Variants in ANAPC7 observed in about 807,000 individuals in gnomAD.
ANAPC7 encodes anaphase promoting complex subunit 7, also known as anaphase-promoting complex subunit 7.
ANAPC7 carries 25 observed loss-of-function variants against 63.3 expected under a neutral mutation model. That is an observed-to-expected ratio of 0.39 (90% CI 0.29 to 0.55). The LOEUF (loss-of-function observed/expected upper bound fraction) is 0.55. Among genes scored for constraint, ANAPC7 ranks in the 20% least tolerant of loss-of-function variants. The probability of loss-of-function intolerance (pLI) is 0.57; values close to 1 mark genes in which losing one functional copy is unlikely to be tolerated. For missense variants in ANAPC7, 516 were observed against 691.7 expected (o/e 0.75, Z 2.85); for synonymous variants, 241 against 251.7 (o/e 0.96, Z 0.40).
chr12:110,374,386 G>T, intron 10 of ANAPC7, 53 bp from the exon 11 acceptor site: 1 of 1,563,684 alleles, frequency 6.4e-7, no homozygotes, highest in Non-Finnish European at 8.8e-7. Flanking sequence ...TGCTCTTGCT[G>T]GCTGATTCGT....
At chr12:110,377,808 T>A in intron 8 of ANAPC7, 191 bp from the exon 9 acceptor site, 2 of 1,430,506 alleles carry the variant, frequency 1.4e-6, no homozygotes, top group South Asian at 3.1e-5. Flanking sequence ...CCCAGAGAAC[T>A]TGATGGATGT....
At chr12:110,377,827 A>G in intron 8 of ANAPC7, 4 of 1,419,932 alleles carry the variant, frequency 2.8e-6, no homozygotes, top group Non-Finnish European at 3.7e-6. Flanking sequence ...GTAGAAAAAG[A>G]CTGCCTTCAA....
At chr12:110,396,245 C>T in intron 2 of ANAPC7, 21 bp downstream of exon 2, 1 of 1,420,982 alleles carries the variant, frequency 7.0e-7, no homozygotes, top group Non-Finnish European at 9.7e-7. Flanking sequence ...AAAAAAAAAT[C>T]ACAATTCTAT....
intron 3 of ANAPC7, 73 bp downstream of exon 3, chr12:110,395,028 G>C (rs1412862749): frequency 4.6e-6 from 7 of 1,530,980 alleles, no homozygotes; most frequent in South Asian, 1.2e-5. Flanking sequence ...ACTCCTTAAT[G>C]CATGAGAAAA....
At chr12:110,389,045 G>A (rs1352532938) in intron 3 of ANAPC7, among the ~76,000 whole-genome samples, 1 of 143,746 alleles carries the variant, frequency 7.0e-6, no homozygotes, top group Non-Finnish European at 1.5e-5. Context: ...TCACGCCACT[G>A]CACTCCAGCC....
chr12:110,390,789 T>C (rs1268757422), intron 3 of ANAPC7, among the ~76,000 whole-genome samples: 1 of 152,226 alleles, frequency 6.6e-6, no homozygotes, highest in Non-Finnish European at 1.5e-5. Context: ...GCTGGTTATA[T>C]TAACAAACTA....
In ANAPC7 at chr12:110,386,345, C is replaced by G. The variant is rs766327105; in HGVS notation, c.799G>C (p.Asp267His). Residue 267 changes from aspartate (D) to histidine (H), a missense_variant, in exon 6 of 11, where the codon GAT (aspartate) becomes CAT (histidine). Physicochemically the swap from Asp to His is moderately conservative, Grantham distance 81 (BLOSUM62 -1). Transcript: ENST00000455511. ...TACTTACCTTTTATCAGATAAGGAT[C>G]CAACATCTGTGCCTGTTCAAACTTG... ...VLKFEQAQML[D>H]PYLIKGMDVY... 2.5e-6 allele frequency: 4 copies of G among 1,614,048 alleles called. No homozygotes were observed. In the African/African-American group the frequency reaches 5.3e-5, roughly 22 times the overall value.
Position 110,376,131 on chromosome 12 carries a change from T to C in ANAPC7, c.1443A>G (p.Leu481=). The change falls in exon 10 of 11, where the codon CTA becomes CTG. Residue 481 remains leucine, a synonymous_variant. Coordinates refer to ENST00000455511, the MANE Select transcript of ANAPC7 (RefSeq NM_016238.3). The part of the protein sequence containing the change: ...NQSDCVLHRI[L]GDFLVAVNEY... ...CATTGACAGCTACAAGGAAATCTCC[T>C]AGGATCCGATGCAGGACACAGTCAC... 6.2e-7 allele frequency: 1 copy of C among 1,613,840 alleles called. No homozygotes were observed. Among genetic ancestry groups the C allele is most frequent in the Non-Finnish European group, 8.5e-7 (1 of 1,179,766 alleles).
At chr12:110,390,573 C>T (rs1393793022) in intron 3 of ANAPC7, among the ~76,000 whole-genome samples, 1 of 152,022 alleles carries the variant, frequency 6.6e-6, no homozygotes, top group East Asian at 1.9e-4. Flanking sequence ...TTATATAAAA[C>T]AATCTAATAT....
intron 3 of ANAPC7, 78 bp from the exon 4 acceptor site, chr12:110,388,701 T>G: frequency 9.4e-7 from 1 of 1,065,500 alleles, no homozygotes; most frequent in South Asian, 1.3e-5. Flanking sequence ...AAGTCCTAAT[T>G]TTCATTACCA....
chr12:110,394,228 C>T (rs1883359615), intron 3 of ANAPC7, among the ~76,000 whole-genome samples: 1 of 151,916 alleles, frequency 6.6e-6, no homozygotes, highest in Admixed American at 6.6e-5. Flanking sequence ...TGGCATCTCA[C>T]ACCTGTAATC....
At chr12:110,391,452 T>C (rs905191732) in intron 3 of ANAPC7, among the ~76,000 whole-genome samples, 7 of 152,200 alleles carry the variant, frequency 4.6e-5, no homozygotes, top group African/African-American at 1.7e-4. Context: ...TAGACACATT[T>C]TGACTCACTT....
At chr12:110,401,950 CAAAAAAAAAAAA>C (rs747810973) in intron 1 of ANAPC7, among the ~76,000 whole-genome samples, 11 of 46,106 alleles carry the variant, frequency 2.4e-4, no homozygotes, top group African/African-American at 4.5e-4. Flanking sequence ...GACTCCGTCT[CAAAAAAAAAAAA>C]AAAAAAAAAA....
chr12:110,375,483 A>G (rs1414351952), intron 10 of ANAPC7: 35 of 982,626 alleles, frequency 3.6e-5, no homozygotes, highest in Non-Finnish European at 4.2e-5. Flanking sequence ...ATTAAACAGT[A>G]AGAATACCAC....
intron 1 of ANAPC7, among the ~76,000 whole-genome samples, chr12:110,396,742 C>T (rs1004691285): frequency 9.9e-5 from 15 of 151,884 alleles, no homozygotes; most frequent in African/African-American, 3.4e-4. Context: ...CTCAAACTCC[C>T]GACCTCAAGT....
intron 8 of ANAPC7, among the ~76,000 whole-genome samples, chr12:110,380,675 C>T (rs1275073150): frequency 7.0e-6 from 1 of 142,998 alleles, no homozygotes; most frequent in Non-Finnish European, 1.5e-5. Context: ...AAAACAGGAC[C>T]CGGGCACGGT....
intron 8 of ANAPC7, among the ~76,000 whole-genome samples, chr12:110,381,138 G>A (rs1463125063): frequency 6.6e-6 from 1 of 151,802 alleles, no homozygotes; most frequent in East Asian, 1.9e-4. Context: ...ATGAAAGTAT[G>A]GGGTGACAAA....
At chr12:110,375,116 C>A (rs1197467181) in intron 10 of ANAPC7, among the ~76,000 whole-genome samples, 1 of 152,208 alleles carries the variant, frequency 6.6e-6, no homozygotes, top group Non-Finnish European at 1.5e-5. Flanking sequence ...CATGTTGGCA[C>A]CGTTTCTACC....
chr12:110,386,536 G>T, intron 5 of ANAPC7, 67 bp from the exon 6 acceptor site: 12 of 1,337,650 alleles, frequency 9.0e-6, no homozygotes, highest in Non-Finnish European at 1.3e-5. Flanking sequence ...GCTGAATCTG[G>T]ATGATTGGTC....
Sources: gnomAD v4.1 joint callset for allele counts (sites outside exome capture counted in the v4.1 genomes callset) on GRCh38, gnomAD v4.1.1 for gene constraint, MANE v1.5 for transcripts, NCBI Gene and HGNC (gene_info 2026-07-23, HGNC 2026-07-21) for gene names.